UBA7: variants seen among roughly 807,000 people sequenced by gnomAD.
The protein encoded by UBA7 is ubiquitin-like modifier-activating enzyme 7.
In UBA7, 88 loss-of-function variants were observed where a neutral mutation model predicts 113.0. That is an observed-to-expected ratio of 0.78 (90% CI 0.66 to 0.93). The LOEUF (loss-of-function observed/expected upper bound fraction) is 0.93. UBA7 is among the 40% of genes least tolerant of loss of function. The pLI is 0.00. For synonymous variants in UBA7, 459 were observed against 513.0 expected, an observed-to-expected ratio of 0.89 and a Z score of 1.42; for missense variants, 1,092 against 1,266.4, an observed-to-expected ratio of 0.86 and a Z score of 2.09.
chr3:49,811,793 A>G, intron 8 of UBA7, 77 bp downstream of exon 8: 3 of 1,585,064 alleles, frequency 1.9e-6, no homozygotes, highest in Non-Finnish European at 2.6e-6. Flanking sequence ...GGATTTGTGA[A>G]TGGTCATTGT....
Position 49,808,965 on chromosome 3 carries a change from A to G in UBA7, c.2347+11T>C, listed in dbSNP as rs780963725. On this transcript the variant is annotated intron_variant, in intron 18 of 23. Transcript: ENST00000333486. ...AAAGACAGCATGAGGGGCCAGGGCC[A>G]GGAGCCTCACCAAACTCAGCAGAAG... The G allele has an allele frequency of 3.5e-5, 57 of 1,611,904 alleles. 1 individual carries two copies. The highest frequency in any genetic ancestry group is 1.7e-4 in the Admixed American group (10 of 59,874).
chr3:49,810,226 G>C lies in UBA7; in HGVS notation c.1633+37C>G, dbSNP rs761847506. On this transcript the variant is annotated intron_variant, in intron 13 of 23. Coordinates refer to ENST00000333486, the MANE Select transcript of UBA7 (RefSeq NM_003335.3). This position sits in a 1 kb window ranked among gnomAD's most constrained non-coding sequence, Gnocchi z 5.6. ...GGTCAGAAGTGGGACTGGCACAGCT[G>C]TGGGCAAGGGACTGACCTCCGAAGT... The C allele has an allele frequency of 1.1e-5, 17 of 1,612,940 alleles. No homozygotes were observed. Among genetic ancestry groups the C allele is most frequent in the Non-Finnish European group, 1.4e-5 (17 of 1,179,436 alleles).
Position 49,810,805 on chromosome 3 carries a change from C to T in UBA7, c.1258G>A (p.Ala420Thr). 1 of 1,614,170 alleles carries T rather than the reference C, an allele frequency of 6.2e-7. No individual in the cohort carries two copies. Among genetic ancestry groups the T allele is most frequent in the Non-Finnish European group, 8.5e-7 (1 of 1,180,024 alleles). The change falls in exon 11 of 24, where the codon GCA (alanine) becomes ACA (threonine). Residue 420 changes from alanine to threonine, a missense_variant. Ala to Thr is a moderately conservative substitution (Grantham distance 58). Transcript: ENST00000333486. The surrounding 1 kb of genome is among the most constrained non-coding windows in gnomAD (Gnocchi z 5.6). ...LRGSRYDGQIAVFGAGFQEKL... is the reference protein window; with the variant it reads ...LRGSRYDGQITVFGAGFQEKL... ...TCCTGAAAACCAGCCCCAAACACTG[C>T]AATTTGCCCATCATAGCGGCTGCCT...
chr3:49,806,246 G>A (rs1430927201), intron 21 of UBA7, 81 bp from the exon 22 acceptor site: 2 of 1,311,350 alleles, frequency 1.5e-6, no homozygotes, highest in Non-Finnish European at 2.1e-6. Flanking sequence ...CTTTCCTAGG[G>A]GAAGAGCTGG....
chr3:49,812,078 G>C, intron 7 of UBA7, 31 bp downstream of exon 7: 2 of 1,614,200 alleles, frequency 1.2e-6, no homozygotes, highest in African/African-American at 1.3e-5. Context: ...AGGCGACCAA[G>C]CTCCCCTACC....
chr3:49,809,702 A>G lies in UBA7; in HGVS notation c.1928T>C (p.Met643Thr). ...TAAGGTGAGTGTCTGTGGCTCATCCATGTCTGCCAGGGAAGTGTGTGCCCT... is the reference window on the plus strand; with the variant it reads ...TAAGGTGAGTGTCTGTGGCTCATCCGTGTCTGCCAGGGAAGTGTGTGCCCT... ...HQQAHTSLAD[M>T]DEPQTLTLLK... Residue 643 changes from methionine (M) to threonine (T), a missense_variant, in exon 16 of 24, where the codon ATG becomes ACG. By Grantham distance (81) the Met-to-Thr change is moderately conservative (BLOSUM62 -1). Coordinates refer to ENST00000333486, the MANE Select transcript of UBA7 (RefSeq NM_003335.3). 1 of 1,613,978 alleles carries G rather than the reference A, an allele frequency of 6.2e-7. No individual in the cohort carries two copies. Among genetic ancestry groups the G allele is most frequent in the Non-Finnish European group, 8.5e-7 (1 of 1,180,012 alleles).
Position 49,805,273 on chromosome 3 carries a change from G to A in UBA7, c.*35C>T, listed in dbSNP as rs566214572. 2.7e-4 allele frequency: 432 copies of A among 1,596,622 alleles called. 3 individuals carry two copies. The South Asian group carries it at 4.2e-3, about 16-fold the overall frequency. ...TACAATGCAGGGCTTGGGATCCGGG[G>A]CTCCATTGAGCTAGGTGACAGGGTG... On this transcript the variant is annotated 3_prime_UTR_variant, in exon 24 of 24. Coordinates refer to ENST00000333486, the MANE Select transcript of UBA7 (RefSeq NM_003335.3).
chr3:49,813,461 GC>G lies in UBA7; in HGVS notation c.225+17del, dbSNP rs34487991. On this transcript the variant is annotated intron_variant, in intron 2 of 23. Transcript: ENST00000333486. ...CCCCACCTTGGTCTGGCAGCCCATA[GC>G]CCCCCAGGACACTTACCTGGGCAGC... 11 of 1,610,650 alleles carry G rather than the reference GC, an allele frequency of 6.8e-6. No homozygotes were observed. In the East Asian group the frequency reaches 2.2e-4, roughly 33 times the overall value.
chr3:49,808,659 C>T (rs1265127947), intron 18 of UBA7, among the ~76,000 whole-genome samples, 191 bp from the exon 19 acceptor site: 2 of 152,200 alleles, frequency 1.3e-5, no homozygotes, highest in Non-Finnish European at 2.9e-5. Flanking sequence ...GTGCTCATGA[C>T]CTCTGTGACC....
In UBA7 at chr3:49,812,521, A is replaced by C. The variant is rs1174112499; in HGVS notation, c.581T>G (p.Leu194Arg). 6.2e-7 allele frequency: 1 copy of C among 1,614,142 alleles called. No homozygotes were observed. ...ISQGSPGILTLRKGANTHYFR... is the reference protein window; with the variant it reads ...ISQGSPGILTRRKGANTHYFR... ...GTAGTGGGTATTGGCCCCTTTCCTC[A>C]GAGTGAGAATGCCAGGGGAGCCCTG... The change falls in exon 6 of 24, where the codon CTG becomes CGG. Residue 194 changes from leucine (L) to arginine (R), a missense_variant. Physicochemically the swap from Leu to Arg is moderately radical, Grantham distance 102. Transcript: ENST00000333486.
At chr3:49,808,331 G>C (rs2081488552) in intron 19 of UBA7, 55 bp downstream of exon 19, 13 of 1,607,214 alleles carry the variant, frequency 8.1e-6, no homozygotes, top group Non-Finnish European at 1.1e-5. Context: ...ATTAGCTCCT[G>C]ACCTTTCTCC....
chr3:49,812,413 A>G lies in UBA7; in HGVS notation c.689T>C (p.Val230Ala). The change falls in exon 6 of 24, where the codon GTG (valine) becomes GCG (alanine). Residue 230 changes from valine to alanine, a missense_variant. Physicochemically the swap from Val to Ala is moderately conservative, Grantham distance 64 (BLOSUM62 0). Coordinates refer to ENST00000333486, the MANE Select transcript of UBA7 (RefSeq NM_003335.3). ...TTGGAATGGGATTGGCTTACCCCGC[A>G]CGTGGATAGACCGGGGATCACAGTC... ...LNDCDPRSIH[V>A]REDGSLEIGD... 1 of 1,614,212 alleles carries G rather than the reference A, an allele frequency of 6.2e-7. No homozygotes were observed.
At position 49,812,424 on chromosome 3, in the gene UBA7, C is replaced by A. The variant is rs1348370957; in HGVS notation, c.678G>T (p.Arg226=). ...TTGGCTTACCCCGCACGTGGATAGA[C>A]CGGGGATCACAGTCGTTGAGCTCAA... The part of the protein sequence containing the change: ...GMVELNDCDP[R]SIHVREDGSL... Residue 226 remains arginine (R), a synonymous_variant, in exon 6 of 24, where the codon CGG becomes CGT. Transcript: ENST00000333486. The A allele has an allele frequency of 3.1e-6, 5 of 1,614,082 alleles. No homozygotes were observed. The African/African-American group carries it at 6.7e-5, about 22-fold the overall frequency.
intron 17 of UBA7, 42 bp downstream of exon 17, chr3:49,809,348 G>GCCACAT (rs2081503946): frequency 6.2e-7 from 1 of 1,604,558 alleles, no homozygotes; most frequent in African/African-American, 1.3e-5. Flanking sequence ...GCTCTGAGGG[G>GCCACAT]CCACATCTCT....
rs752795786 is a variant in UBA7, at chr3:49,813,526, T to G, written c.178A>C (p.Thr60Pro). ...NLVLMGVGSL[T>P]LHDPHPTCWS... ...CAGGTGGGGTGGGGATCATGCAGAG[T>G]GAGGCTGCCCACACCCATCAGAACC... is the stretch of plus-strand genomic sequence containing the variant. The change falls in exon 2 of 24, where the codon ACT (threonine) becomes CCT (proline). Residue 60 changes from threonine to proline, a missense_variant. Coordinates refer to ENST00000333486, the MANE Select transcript of UBA7 (RefSeq NM_003335.3). The G allele has an allele frequency of 6.2e-7, 1 of 1,613,844 alleles. No individual in the cohort carries two copies.
rs1029861503 is a variant in UBA7 at position 49,806,017 on chromosome 3, C to T, written c.2809-20G>A. The T allele has an allele frequency of 1.9e-6, 3 of 1,567,288 alleles. No homozygotes were observed. The highest frequency in any genetic ancestry group is 2.7e-5 in the African/African-American group (2 of 73,888). ...CTGCTCCTAGAGGAGAAAGGTCAGACACCAGCTGGGCCGGGCTGGGCTGAG... is the reference window on the plus strand; with the variant it reads ...CTGCTCCTAGAGGAGAAAGGTCAGATACCAGCTGGGCCGGGCTGGGCTGAG... On this transcript the variant is annotated intron_variant, in intron 22 of 23. Coordinates refer to ENST00000333486, the MANE Select transcript of UBA7 (RefSeq NM_003335.3).
chr3:49,807,626 T>A lies in UBA7; in HGVS notation c.2715+110A>T. The A allele has an allele frequency of 1.5e-6, 2 of 1,376,628 alleles. No individual in the cohort carries two copies. Among genetic ancestry groups the A allele is most frequent in the Non-Finnish European group, 2.0e-6 (2 of 1,020,664 alleles). The allele number at this position is 1,376,628 out of a possible 1,614,324, so 85.3% of individuals were successfully genotyped here. On this transcript the variant is annotated intron_variant, in intron 21 of 23. Coordinates refer to ENST00000333486, the MANE Select transcript of UBA7 (RefSeq NM_003335.3). The surrounding 1 kb of genome is among the most constrained non-coding windows in gnomAD (Gnocchi z 4.0). ...GGCTGGAGGGAGTCTTCAGGACTTCTGCACAGTCTGAGTTTCAGTGAGAGC... is the reference window on the plus strand; with the variant it reads ...GGCTGGAGGGAGTCTTCAGGACTTCAGCACAGTCTGAGTTTCAGTGAGAGC...
rs1288903924 is a variant in UBA7 at position 49,811,483 on chromosome 3, A to G, written c.940-28T>C. 6 of 1,554,494 alleles carry G rather than the reference A, an allele frequency of 3.9e-6. No homozygotes were observed. The South Asian group carries it at 5.9e-5, about 15-fold the overall frequency. On this transcript the variant is annotated intron_variant, in intron 8 of 23. Transcript: ENST00000333486. ...GTTGGTAGGACTCTGTGGGCATAGTAGCCCCAGCCTGAGCTCTACTCCTGA... is the reference window on the plus strand; with the variant it reads ...GTTGGTAGGACTCTGTGGGCATAGTGGCCCCAGCCTGAGCTCTACTCCTGA...
At position 49,809,619 on chromosome 3, in the gene UBA7, CCA is replaced by C. The variant is rs752514292; in HGVS notation, c.2009_2010del (p.Val670GlyfsTer25). 22 of 1,614,132 alleles carry C rather than the reference CCA, an allele frequency of 1.4e-5. No homozygotes were observed. Among genetic ancestry groups the C allele is most frequent in the Non-Finnish European group, 1.8e-5 (21 of 1,180,040 alleles). ...AGTTTCCAGTGGCCAAGAGCCCACG[CCA>C]CACAGTCTTGCCAGTTCTGTGGACG... is the stretch of plus-strand genomic sequence containing the variant. ...RVRPQNWQDC[V>X]AWALGHWKLC... On this transcript the variant is annotated frameshift_variant, in exon 16 of 24. Coordinates refer to ENST00000333486, the MANE Select transcript of UBA7 (RefSeq NM_003335.3). LOFTEE classifies it high-confidence loss of function.
Sources: gnomAD v4.1 joint callset for allele counts (sites outside exome capture counted in the v4.1 genomes callset) on GRCh38, gnomAD v4.1.1 for gene constraint, Gnocchi (gnomAD v3.1) non-coding constraint, MANE v1.5 for transcripts, NCBI Gene and HGNC (gene_info 2026-07-23, HGNC 2026-07-21) for gene names.